The following KCNAB1 variants were observed in gnomAD, a reference collection of about 807,000 sequenced individuals.
KCNAB1 encodes voltage-gated potassium channel subunit beta-1.
Under a neutral mutation model 64.6 loss-of-function variants are expected in KCNAB1, and 35 were observed. The observed-to-expected ratio is 0.54, with a 90% CI of 0.41 to 0.72. The LOEUF (loss-of-function observed/expected upper bound fraction) is 0.72, where lower values mean the gene tolerates loss of function less well. Among genes scored for constraint, KCNAB1 ranks in the 30% least tolerant of loss-of-function variants. KCNAB1 has a pLI of 0.00. For missense variants in KCNAB1, 401 were observed against 512.9 expected (o/e 0.78, Z 2.11); for synonymous variants, 177 against 183.8 (o/e 0.96, Z 0.30).
chr3:156,255,598 T>C (rs1171154290), intron 1 of KCNAB1, among the ~76,000 whole-genome samples: 2 of 152,198 alleles, frequency 1.3e-5, no homozygotes, highest in Non-Finnish European at 2.9e-5. Flanking sequence ...GTGGTCTGCA[T>C]TTGCCCAGTA....
At chr3:156,494,359 C>T (rs909334537) in intron 8 of KCNAB1, among the ~76,000 whole-genome samples, 2 of 152,076 alleles carry the variant, frequency 1.3e-5, no homozygotes, top group Non-Finnish European at 2.9e-5. Flanking sequence ...GAGCATGGCT[C>T]TTAGGGCTGC....
At position 156,317,137 on chromosome 3, in the gene KCNAB1, C is replaced by T. The variant is rs577420221; in HGVS notation, c.276-104479C>T. Among the ~76,000 whole-genome samples, 10 of 152,194 alleles carry T rather than the reference C, an allele frequency of 6.6e-5. No individual in the cohort carries two copies. In the South Asian group the frequency reaches 1.5e-3, roughly 22 times the overall value. On this transcript the variant is annotated intron_variant, in intron 1 of 13. Coordinates refer to ENST00000490337, the MANE Select transcript of KCNAB1 (RefSeq NM_172160.3). Reference sequence around the variant, plus strand: ...TTTTAGAATCTTGGCTGAAAAGAACCGACTTTGATCTGCAACCTAGAATAA... The same window carrying T: ...TTTTAGAATCTTGGCTGAAAAGAACTGACTTTGATCTGCAACCTAGAATAA...
intron 1 of KCNAB1, among the ~76,000 whole-genome samples, chr3:156,395,182 G>T (rs1055648903): frequency 6.6e-6 from 1 of 152,130 alleles, no homozygotes; most frequent in Admixed American, 6.5e-5. Context: ...CAAAACAAAT[G>T]GCTTGTTCTT....
chr3:156,366,002 A>T (rs1482514055), intron 1 of KCNAB1, among the ~76,000 whole-genome samples: 1 of 152,200 alleles, frequency 6.6e-6, no homozygotes, highest in Non-Finnish European at 1.5e-5. Flanking sequence ...CTCAGCCTTT[A>T]TCTTTTCTCC....
At chr3:156,207,754 T>G (rs982357340) in intron 1 of KCNAB1, among the ~76,000 whole-genome samples, 1 of 152,194 alleles carries the variant, frequency 6.6e-6, no homozygotes, top group African/African-American at 2.4e-5. Context: ...CAAGCAGGTC[T>G]TCCCGTTGCA....
intron 1 of KCNAB1, among the ~76,000 whole-genome samples, chr3:156,311,926 T>A (rs1216551371): frequency 6.6e-6 from 1 of 152,204 alleles, no homozygotes; most frequent in Non-Finnish European, 1.5e-5. Flanking sequence ...CTGCAGCCTG[T>A]TGACGGCTAT....
chr3:156,507,856 A>T (rs1716928595), intron 8 of KCNAB1, among the ~76,000 whole-genome samples: 1 of 152,154 alleles, frequency 6.6e-6, no homozygotes, highest in Non-Finnish European at 1.5e-5. Context: ...AGCTGGGTTG[A>T]ACCATAGGAT....
At chr3:156,262,687 G>A (rs887200456) in intron 1 of KCNAB1, among the ~76,000 whole-genome samples, 5 of 151,818 alleles carry the variant, frequency 3.3e-5, no homozygotes, top group African/African-American at 1.2e-4. Flanking sequence ...ATACCTTAAA[G>A]AAGAGGTGAG....
At chr3:156,418,460 T>C (rs994455694) in intron 1 of KCNAB1, among the ~76,000 whole-genome samples, 3 of 152,234 alleles carry the variant, frequency 2.0e-5, no homozygotes, top group Non-Finnish European at 4.4e-5. Flanking sequence ...TGGGCTTCTA[T>C]TACACATCAG....
chr3:156,283,861 A>G (rs1346645092), intron 1 of KCNAB1, among the ~76,000 whole-genome samples: 1 of 151,860 alleles, frequency 6.6e-6, no homozygotes, highest in Non-Finnish European at 1.5e-5. Context: ...CTAGTTATAC[A>G]TTCTTCTAAA....
chr3:156,438,568 G>A (rs1407414760), intron 2 of KCNAB1, among the ~76,000 whole-genome samples: 1 of 152,148 alleles, frequency 6.6e-6, no homozygotes, highest in Non-Finnish European at 1.5e-5. Flanking sequence ...TTATGTTCTT[G>A]TGGAACTTCT....
intron 8 of KCNAB1, among the ~76,000 whole-genome samples, chr3:156,509,399 C>CTGCTGCTGCTGCTGG (rs1268717195): frequency 2.6e-5 from 4 of 152,096 alleles, no homozygotes; most frequent in African/African-American, 9.7e-5. Context: ...GCTGCTGCTG[C>CTGCTGCTGCTGCTGG]TGCTGCTGGT....
intron 1 of KCNAB1, among the ~76,000 whole-genome samples, chr3:156,267,016 T>C (rs1718760259): frequency 6.6e-6 from 1 of 151,920 alleles, no homozygotes; most frequent in Non-Finnish European, 1.5e-5. Flanking sequence ...GCAAAAGTGA[T>C]ATGTACTCAA....
At chr3:156,503,036 A>G (rs1194502983) in intron 8 of KCNAB1, among the ~76,000 whole-genome samples, 1 of 152,226 alleles carries the variant, frequency 6.6e-6, no homozygotes. Flanking sequence ...TGACATATGC[A>G]ATAATAGCAT....
intron 1 of KCNAB1, among the ~76,000 whole-genome samples, chr3:156,359,934 T>C (rs1325979002): frequency 6.6e-6 from 1 of 152,206 alleles, no homozygotes; most frequent in Non-Finnish European, 1.5e-5. Flanking sequence ...CACATACTAG[T>C]GGACCATTTT....
At position 156,209,680 on chromosome 3, in the gene KCNAB1, T is replaced by A. The variant is rs531217910; in HGVS notation, c.275+88794T>A. On this transcript the variant is annotated intron_variant, in intron 1 of 13. Transcript: ENST00000490337. ...ACAAGATGTCTGGAAAATTCCACCA[T>A]AGCACAGAGGCATAAGGAAGTATGT... Among the ~76,000 whole-genome samples, 4 of 152,322 alleles carry A rather than the reference T, an allele frequency of 2.6e-5. No homozygotes were observed. The East Asian group carries it at 5.8e-4, about 22-fold the overall frequency.
intron 1 of KCNAB1, among the ~76,000 whole-genome samples, chr3:156,284,378 G>C (rs1349812933): frequency 6.6e-6 from 1 of 152,226 alleles, no homozygotes; most frequent in African/African-American, 2.4e-5. Flanking sequence ...AAAGCTGTCA[G>C]ACAGGGACAT....
At chr3:156,191,527 T>G (rs1560128788) in intron 1 of KCNAB1, among the ~76,000 whole-genome samples, 1 of 152,202 alleles carries the variant, frequency 6.6e-6, no homozygotes, top group East Asian at 1.9e-4. Flanking sequence ...ATGTTTTTTA[T>G]GAATCCAATT....
intron 1 of KCNAB1, among the ~76,000 whole-genome samples, chr3:156,300,532 T>G (rs1374127391): frequency 2.6e-5 from 4 of 152,250 alleles, no homozygotes; most frequent in Non-Finnish European, 5.9e-5. Context: ...TCTAGACTTT[T>G]CAGTATAGAA....
Sources: allele counts gnomAD v4.1 joint callset (sites outside exome capture counted in the v4.1 genomes callset), GRCh38; gene constraint gnomAD v4.1.1; transcripts MANE v1.5; gene names NCBI Gene and HGNC (gene_info 2026-07-23, HGNC 2026-07-21).